The following ESPN variants were observed in gnomAD, a reference collection of about 807,000 sequenced individuals.
ESPN encodes the protein espin.
In ESPN, 68 loss-of-function variants were observed where a neutral mutation model predicts 77.7. That is an observed-to-expected ratio of 0.87 (90% CI 0.72 to 1.07). The LOEUF (loss-of-function observed/expected upper bound fraction) is 1.07. Ranked by LOEUF, ESPN falls within the 50% of genes least tolerant of loss-of-function variation. The probability of loss-of-function intolerance (pLI) is 0.00; values close to 1 mark genes in which losing one functional copy is unlikely to be tolerated. For missense variants in ESPN, 1,060 were observed against 1,239.0 expected (o/e 0.86, Z 2.17); for synonymous variants, 449 against 567.1 (o/e 0.79, Z 2.96).
At position 6,457,218 on chromosome 1, in the gene ESPN, C is replaced by T. The variant is rs764022369; in HGVS notation, c.2360C>T (p.Pro787Leu). ...EEEEARLASM[P>L]AWRRDLLRKK... Reference sequence around the variant, plus strand: ...GAGGAGGCCCGGCTGGCCAGCATGCCCGCCTGGAGGCGGGACCTCCTGCGG... The same window carrying T: ...GAGGAGGCCCGGCTGGCCAGCATGCTCGCCTGGAGGCGGGACCTCCTGCGG... Residue 787 changes from proline (P) to leucine (L), a missense_variant, in exon 11 of 13, where the codon CCC becomes CTC. By Grantham distance (98) the Pro-to-Leu change is moderately conservative (BLOSUM62 -3). Transcript: ENST00000645284. 5.6e-6 allele frequency: 9 copies of T among 1,612,228 alleles called. No homozygotes were observed. In the African/African-American group the frequency reaches 1.2e-4, roughly 22 times the overall value.
chr1:6,436,902 G>A (rs531955621), intron 2 of ESPN, among the ~76,000 whole-genome samples: 2 of 152,298 alleles, frequency 1.3e-5, no homozygotes, highest in East Asian at 3.9e-4. Context: ...GGAGGGGGAT[G>A]TTGAGCCGGG....
intron 2 of ESPN, among the ~76,000 whole-genome samples, chr1:6,433,320 T>C (rs1271399204): frequency 6.6e-6 from 1 of 151,906 alleles, no homozygotes; most frequent in Non-Finnish European, 1.5e-5. Flanking sequence ...GGTGGGTGTC[T>C]GTAATCCCAG....
intron 5 of ESPN, among the ~76,000 whole-genome samples, chr1:6,443,790 G>A (rs1266554265): frequency 1.3e-5 from 2 of 152,260 alleles, no homozygotes; most frequent in Non-Finnish European, 2.9e-5. Context: ...GCAAGGAGGA[G>A]CAGGCCTGGG....
Position 6,440,859 on chromosome 1 carries a change from T to C in ESPN, c.858+51T>C, listed in dbSNP as rs3817918. On this transcript the variant is annotated intron_variant, in intron 4 of 12. Transcript: ENST00000645284. ...GCGCGCCCTCTGCTGGCACCGCGCT[T>C]TCAGCACGGCCCTGCCCGGGCGCGG... is the stretch of plus-strand genomic sequence containing the variant. 0.21 allele frequency: 312,036 copies of C among 1,479,490 alleles called. 39,566 individuals carry two copies. Among genetic ancestry groups the C allele is most frequent in the African/African-American group, 0.62 (41,988 of 67,780 alleles). 91.6% of individuals were successfully genotyped at this position (1,479,490 alleles called of 1,614,324 possible). A position where few individuals can be genotyped will look rare whatever the true frequency, so the allele number is the denominator to read the frequency against.
At position 6,448,974 on chromosome 1, in the gene ESPN, C is replaced by G. The variant is rs1293635215; in HGVS notation, c.1798C>G (p.Pro600Ala). Residue 600 changes from proline (P) to alanine (A), a missense_variant, in exon 8 of 13, where the codon CCA (proline) becomes GCA (alanine). Coordinates refer to ENST00000645284, the MANE Select transcript of ESPN (RefSeq NM_031475.3). The stretch of plus-strand genomic sequence containing the variant: ...GTCCAGGGAGCTGCCACCGCCGCCC[C>G]CACCGCCGCCGCCGCCCCTGCCGGA... Reference protein sequence around the residue: ...KASRELPPPPPPPPPPLPEAA... With the variant: ...KASRELPPPPAPPPPPLPEAA... 7.0e-7 allele frequency: 1 copy of G among 1,427,714 alleles called. No homozygotes were observed. Among genetic ancestry groups the G allele is most frequent in the South Asian group, 1.4e-5 (1 of 70,628 alleles). 88.4% of individuals were successfully genotyped at this position (1,427,714 alleles called of 1,614,324 possible).
At position 6,428,494 on chromosome 1, in the gene ESPN, G is replaced by A. The variant is rs760396607; in HGVS notation, c.488+75G>A. 18 of 1,305,028 alleles carry A rather than the reference G, an allele frequency of 1.4e-5. No individual in the cohort carries two copies. The highest frequency in any genetic ancestry group is 2.1e-5 in the Admixed American group (1 of 47,386). The allele number at this position is 1,305,028 out of a possible 1,614,324, so 80.8% of individuals were successfully genotyped here. A position where few individuals can be genotyped will look rare whatever the true frequency, so the allele number is the denominator to read the frequency against. ...TTGGGGGATGCCTGGGATTTTCCAC[G>A]CCTCTCTGGCACTCCAGGGCAATGA... On this transcript the variant is annotated intron_variant, in intron 2 of 12. Transcript: ENST00000645284. This position sits in a 1 kb window ranked among gnomAD's most constrained non-coding sequence, Gnocchi z 5.4.
intron 1 of ESPN, 38 bp downstream of exon 1, chr1:6,425,287 C>T (rs757933952): frequency 9.0e-6 from 14 of 1,557,088 alleles, no homozygotes; most frequent in South Asian, 8.1e-5. Flanking sequence ...CTGAGGCTTC[C>T]TCCTCAGGAC....
In ESPN at chr1:6,451,421, G is replaced by C; in HGVS notation, c.1916-182G>C. On this transcript the variant is annotated intron_variant, in intron 8 of 12. Coordinates refer to ENST00000645284, the MANE Select transcript of ESPN (RefSeq NM_031475.3). The surrounding 1 kb of genome is among the most constrained non-coding windows in gnomAD (Gnocchi z 4.3). The stretch of plus-strand genomic sequence containing the variant: ...GGTTGCCACAGTCAGGGAACCAAGG[G>C]CCCGCCTCTGGGGGCCCTGAAACCT... The C allele has an allele frequency of 1.3e-6, 1 of 775,110 alleles. No individual in the cohort carries two copies. Among genetic ancestry groups the C allele is most frequent in the Non-Finnish European group, 2.1e-6 (1 of 472,324 alleles). 48.0% of individuals were successfully genotyped at this position (775,110 alleles called of 1,614,324 possible).
chr1:6,452,208 T>A, intron 10 of ESPN, 112 bp downstream of exon 10: 2 of 1,285,006 alleles, frequency 1.6e-6, no homozygotes, highest in Non-Finnish European at 2.1e-6. Flanking sequence ...CTTTCTTTTT[T>A]TTTTTTCTTT....
chr1:6,452,781 TGAG>T (rs1191621022), intron 10 of ESPN, among the ~76,000 whole-genome samples: 6 of 152,272 alleles, frequency 3.9e-5, no homozygotes, highest in African/African-American at 1.4e-4. Context: ...CTGCCGATAC[TGAG>T]CCTCATCCAG....
At chr1:6,433,309 T>G (rs1213223716) in intron 2 of ESPN, among the ~76,000 whole-genome samples, 1 of 151,492 alleles carries the variant, frequency 6.6e-6, no homozygotes, top group Non-Finnish European at 1.5e-5. Flanking sequence ...CCGGGCATGG[T>G]GGTGGGTGTC....
Position 6,451,792 on chromosome 1 carries a change from C to T in ESPN, c.2062-41C>T, listed in dbSNP as rs769871416. ...AGCCTGCGACCCGGCTTCCCTGGCC[C>T]TAGGCCACCGGGCGCTCAGCCCCAC... is the stretch of plus-strand genomic sequence containing the variant. On this transcript the variant is annotated intron_variant, in intron 9 of 12. Transcript: ENST00000645284. The surrounding 1 kb of genome is among the most constrained non-coding windows in gnomAD (Gnocchi z 4.3). 3.7e-6 allele frequency: 6 copies of T among 1,610,206 alleles called. No homozygotes were observed. The highest frequency in any genetic ancestry group is 5.1e-6 in the Non-Finnish European group (6 of 1,179,086).
Position 6,428,130 on chromosome 1 carries a change from G to A in ESPN, c.295-96G>A. 7.6e-7 allele frequency: 1 copy of A among 1,318,582 alleles called. No individual in the cohort carries two copies. Among genetic ancestry groups the A allele is most frequent in the Admixed American group, 1.7e-5 (1 of 58,304 alleles). The allele number at this position is 1,318,582 out of a possible 1,614,324, so 81.7% of individuals were successfully genotyped here. On this transcript the variant is annotated intron_variant, in intron 1 of 12. Coordinates refer to ENST00000645284, the MANE Select transcript of ESPN (RefSeq NM_031475.3). This position sits in a 1 kb window ranked among gnomAD's most constrained non-coding sequence, Gnocchi z 5.4. ...CCCTCCAGGGAAGACAGAGAGCACAGAGCTACCTTCCAGGCCTGTGGGAGT... is the reference window on the plus strand; with the variant it reads ...CCCTCCAGGGAAGACAGAGAGCACAAAGCTACCTTCCAGGCCTGTGGGAGT...
chr1:6,429,132 T>A (rs1258626813), intron 2 of ESPN, among the ~76,000 whole-genome samples: 1 of 151,372 alleles, frequency 6.6e-6, no homozygotes, highest in Non-Finnish European at 1.5e-5. Flanking sequence ...AGGTGTTAGG[T>A]GCGCCTGGGG....
Position 6,424,809 on chromosome 1 carries a change from G to T in ESPN, c.-147G>T. 1 of 810,148 alleles carries T rather than the reference G, an allele frequency of 1.2e-6. No homozygotes were observed. The highest frequency in any genetic ancestry group is 4.8e-5 in the South Asian group (1 of 20,734). 50.2% of individuals were successfully genotyped at this position (810,148 alleles called of 1,614,324 possible). A position where few individuals can be genotyped will look rare whatever the true frequency, so the allele number is the denominator to read the frequency against. ...GCGGAGCGGAGCGCCAGGCAGCGCG[G>T]AGCGGAGGCCAGGCCCACAGCCGCT... On this transcript the variant is annotated 5_prime_UTR_variant, in exon 1 of 13. Coordinates refer to ENST00000645284, the MANE Select transcript of ESPN (RefSeq NM_031475.3).
chr1:6,452,543 G>A (rs1643968324), intron 10 of ESPN, among the ~76,000 whole-genome samples: 1 of 152,318 alleles, frequency 6.6e-6, no homozygotes, highest in Admixed American at 6.5e-5. Context: ...CCTTGGAAGT[G>A]AGACAGCAGC....
rs983893918 is a variant in ESPN at position 6,444,357 on chromosome 1, C to T, written c.991-124C>T. 3.3e-5 allele frequency: 30 copies of T among 908,880 alleles called. No homozygotes were observed. The African/African-American group carries it at 4.4e-4, about 13-fold the overall frequency. The allele number at this position is 908,880 out of a possible 1,614,324, so 56.3% of individuals were successfully genotyped here. Reference sequence around the variant, plus strand: ...GACCGTCTAGTGATGGGGAAGAGACCCCAGAGAGCGGTGTGGCTTGGCCAA... The same window carrying T: ...GACCGTCTAGTGATGGGGAAGAGACTCCAGAGAGCGGTGTGGCTTGGCCAA... On this transcript the variant is annotated intron_variant, in intron 5 of 12. Coordinates refer to ENST00000645284, the MANE Select transcript of ESPN (RefSeq NM_031475.3).
intron 2 of ESPN, among the ~76,000 whole-genome samples, chr1:6,438,830 G>A (rs961056552): frequency 4.6e-5 from 7 of 152,250 alleles, no homozygotes; most frequent in Non-Finnish European, 8.8e-5. Flanking sequence ...AATAGTTGAT[G>A]GCCGGGTGCG....
rs758355821 is a variant in ESPN, at chr1:6,428,874, T to G, written c.488+455T>G. ...GGGAACCCCATCAGTTACCAAGCAGTTAAGGGAGAAAGGCCCCTCCCAGAC... is the reference window on the plus strand; with the variant it reads ...GGGAACCCCATCAGTTACCAAGCAGGTAAGGGAGAAAGGCCCCTCCCAGAC... On this transcript the variant is annotated intron_variant, in intron 2 of 12. Coordinates refer to ENST00000645284, the MANE Select transcript of ESPN (RefSeq NM_031475.3). The surrounding 1 kb of genome is among the most constrained non-coding windows in gnomAD (Gnocchi z 5.4). Among the ~76,000 whole-genome samples the G allele has an allele frequency of 6.6e-6, 1 of 151,946 alleles. No individual in the cohort carries two copies. The highest frequency in any genetic ancestry group is 2.1e-4 in the South Asian group (1 of 4,816).
Sources: allele counts gnomAD v4.1 joint callset (sites outside exome capture counted in the v4.1 genomes callset), GRCh38; gene constraint gnomAD v4.1.1; non-coding constraint Gnocchi (gnomAD v3.1); transcripts MANE v1.5; gene names NCBI Gene and HGNC (gene_info 2026-07-23, HGNC 2026-07-21).